Variants in TGFBR3 observed in about 807,000 individuals in gnomAD.
TGFBR3 encodes the protein transforming growth factor beta receptor 3.
TGFBR3 carries 46 observed loss-of-function variants against 87.9 expected under a neutral mutation model. That is an observed-to-expected ratio of 0.52 (90% CI 0.41 to 0.67). TGFBR3 has a LOEUF of 0.67. TGFBR3 is among the 30% of genes least tolerant of loss of function. TGFBR3 has a pLI of 0.00. For synonymous variants in TGFBR3, 381 were observed against 391.6 expected (o/e 0.97, Z 0.32); for missense variants, 866 against 1,041.9 (o/e 0.83, Z 2.32).
intron 3 of TGFBR3, 133 bp from the exon 4 acceptor site, chr1:91,758,883 T>C: frequency 9.0e-7 from 1 of 1,109,654 alleles, no homozygotes; most frequent in Non-Finnish European, 1.3e-6. Context: ...TCAGATTCTA[T>C]GAATAAGATA....
At chr1:91,804,929 G>A (rs908229515) in intron 2 of TGFBR3, among the ~76,000 whole-genome samples, 1 of 152,218 alleles carries the variant, frequency 6.6e-6, no homozygotes, top group African/African-American at 2.4e-5. Flanking sequence ...AGCAAAAGCT[G>A]TGTTACCACG....
At chr1:91,898,436 T>C (rs79832528) in intron 2 of TGFBR3, among the ~76,000 whole-genome samples, 1 of 151,772 alleles carries the variant, frequency 6.6e-6, no homozygotes, top group Non-Finnish European at 1.5e-5. Flanking sequence ...ATGTTTTTTT[T>C]GGTTTTTCTG....
In TGFBR3 at chr1:91,691,355, T is replaced by C. The variant is rs144639677; in HGVS notation, c.2437+4317A>G. ...ATACACCTAACTCAAGAGATATCAT[T>C]GTAAAATTTCTTCCAGAAAGAAAAA... On this transcript the variant is annotated intron_variant, in intron 16 of 16. Coordinates refer to ENST00000212355, the MANE Select transcript of TGFBR3 (RefSeq NM_003243.5). 6.6e-3 allele frequency among the ~76,000 whole-genome samples: 1,000 copies of C among 152,284 alleles called. 7 individuals are homozygous for C. Among genetic ancestry groups the C allele is most frequent in the African/African-American group, 0.022 (933 of 41,550 alleles).
chr1:91,720,609 G>A (rs923475499), intron 8 of TGFBR3, among the ~76,000 whole-genome samples: 2 of 152,192 alleles, frequency 1.3e-5, no homozygotes, highest in African/African-American at 2.4e-5. Context: ...CTCTGGGGTG[G>A]TACCCAATCA....
intron 4 of TGFBR3, among the ~76,000 whole-genome samples, chr1:91,752,524 C>A (rs1038768546): frequency 1.3e-5 from 2 of 152,152 alleles, no homozygotes; most frequent in Non-Finnish European, 2.9e-5. Context: ...ATCTTAGATA[C>A]CCTTTTTTCC....
chr1:91,723,789 TA>T, intron 7 of TGFBR3, among the ~76,000 whole-genome samples: 1 of 152,192 alleles, frequency 6.6e-6, no homozygotes, highest in Admixed American at 6.5e-5. Flanking sequence ...TCGTGCTGTA[TA>T]AAAATCACTT....
At chr1:91,708,950 G>T (rs984937675) in intron 13 of TGFBR3, among the ~76,000 whole-genome samples, 167 bp from the exon 14 acceptor site, 2 of 152,228 alleles carry the variant, frequency 1.3e-5, no homozygotes, top group Non-Finnish European at 2.9e-5. Flanking sequence ...TAACCTGGGA[G>T]ATATGACAGC....
intron 12 of TGFBR3, among the ~76,000 whole-genome samples, chr1:91,713,214 T>A (rs1163152369): frequency 1.3e-5 from 2 of 152,074 alleles, no homozygotes; most frequent in Non-Finnish European, 2.9e-5. Flanking sequence ...AGCCCAGGGG[T>A]AGTTTAGGGG....
rs112371726 is a variant in TGFBR3 at position 91,703,639 on chromosome 1, C to T, written c.2287+5024G>A. Among the ~76,000 whole-genome samples, 1,432 of 152,224 alleles carry T rather than the reference C, an allele frequency of 9.4e-3. 20 individuals carry two copies. Among genetic ancestry groups the T allele is most frequent in the African/African-American group, 0.033 (1,363 of 41,530 alleles). ...TTCACAATTTAAAAAAAATCATCAC[C>T]GACGTGGTGTAATCATTTTTACTGT... is the stretch of plus-strand genomic sequence containing the variant. On this transcript the variant is annotated intron_variant, in intron 14 of 16. Coordinates refer to ENST00000212355, the MANE Select transcript of TGFBR3 (RefSeq NM_003243.5).
chr1:91,732,418 C>T (rs1672807976), intron 5 of TGFBR3, among the ~76,000 whole-genome samples: 1 of 152,190 alleles, frequency 6.6e-6, no homozygotes, highest in African/African-American at 2.4e-5. Flanking sequence ...GGCCTGAGAA[C>T]TGGCATTTCC....
Position 91,780,189 on chromosome 1 carries a change from G to A in TGFBR3, c.246+17098C>T, listed in dbSNP as rs1030109335. Among the ~76,000 whole-genome samples the A allele has an allele frequency of 9.2e-5, 14 of 152,286 alleles. No individual in the cohort carries two copies. In the East Asian group the frequency reaches 1.7e-3, roughly 19 times the overall value. ...CATTCCCAGGTTTAGGGGTTAGAACGTGGATATATCTTTGGGGGCCATTAT... is the reference window on the plus strand; with the variant it reads ...CATTCCCAGGTTTAGGGGTTAGAACATGGATATATCTTTGGGGGCCATTAT... On this transcript the variant is annotated intron_variant, in intron 3 of 16. Transcript: ENST00000212355.
chr1:91,874,145 T>C (rs778099910), intron 1 of TGFBR3, among the ~76,000 whole-genome samples: 1 of 152,088 alleles, frequency 6.6e-6, no homozygotes, highest in Non-Finnish European at 1.5e-5. Context: ...ATATATTATA[T>C]AGAGACCAAT....
intron 7 of TGFBR3, among the ~76,000 whole-genome samples, chr1:91,727,082 T>A (rs1672575950): frequency 6.6e-6 from 1 of 152,238 alleles, no homozygotes; most frequent in South Asian, 2.1e-4. Context: ...TTGTCCAGCA[T>A]CATTTCACTG....
intron 3 of TGFBR3, among the ~76,000 whole-genome samples, chr1:91,775,447 G>C (rs2100945811): frequency 6.6e-6 from 1 of 152,284 alleles, no homozygotes; most frequent in East Asian, 1.9e-4. Context: ...TCTTCACCCA[G>C]ATCTCGGCAT....
intron 3 of TGFBR3, among the ~76,000 whole-genome samples, chr1:91,780,884 T>TACACACACACAC (rs56862200): frequency 3.5e-4 from 47 of 132,658 alleles, no homozygotes; most frequent in Admixed American, 9.9e-4. Context: ...ACTAGAGAAC[T>TACACACACACAC]ACACACACAC....
chr1:91,774,672 C>T (rs534711494), intron 3 of TGFBR3, among the ~76,000 whole-genome samples: 23 of 152,294 alleles, frequency 1.5e-4, no homozygotes, highest in African/African-American at 4.8e-4. Flanking sequence ...GAACAAGTCT[C>T]GGTCATCACA....
chr1:91,898,438 G>A (rs1454426143), intron 2 of TGFBR3, among the ~76,000 whole-genome samples: 1 of 151,334 alleles, frequency 6.6e-6, no homozygotes, highest in African/African-American at 2.4e-5. Flanking sequence ...GTTTTTTTTG[G>A]TTTTTCTGTT....
chr1:91,717,677 T>A (rs1672219888), intron 10 of TGFBR3, among the ~76,000 whole-genome samples: 2 of 122,518 alleles, frequency 1.6e-5, no homozygotes, highest in Admixed American at 1.0e-4. Context: ...GGGAGTAGGA[T>A]GGGAAGAAAA....
At chr1:91,733,057 G>T (rs1672830921) in intron 5 of TGFBR3, among the ~76,000 whole-genome samples, 1 of 152,150 alleles carries the variant, frequency 6.6e-6, no homozygotes, top group South Asian at 2.1e-4. Flanking sequence ...TTTTCATTTT[G>T]TCTCAATGGG....
Sources: gnomAD v4.1 joint callset for allele counts (sites outside exome capture counted in the v4.1 genomes callset) on GRCh38, gnomAD v4.1.1 for gene constraint, MANE v1.5 for transcripts, NCBI Gene and HGNC (gene_info 2026-07-23, HGNC 2026-07-21) for gene names.